The following PDCD10 variants were observed in gnomAD, a reference collection of about 807,000 sequenced individuals.
PDCD10 encodes the protein programmed cell death 10, also known as programmed cell death protein 10.
In PDCD10, 4 loss-of-function variants were observed where a neutral mutation model predicts 29.2. The ratio of observed to expected loss-of-function variants is 0.14; its 90% CI spans 0.07 to 0.31. The LOEUF (loss-of-function observed/expected upper bound fraction) is 0.31, where lower values mean the gene tolerates loss of function less well. Ranked by LOEUF, PDCD10 falls within the 10% of genes least tolerant of loss-of-function variation. The pLI is 1.00. For synonymous variants in PDCD10, 70 were observed against 82.2 expected (o/e 0.85, Z 0.80); for missense variants, 183 against 257.9 (o/e 0.71, Z 1.99).
intron 2 of PDCD10, among the ~76,000 whole-genome samples, chr3:167,733,336 TAGTC>T (rs1725010293): frequency 6.6e-6 from 1 of 152,198 alleles, no homozygotes; most frequent in Non-Finnish European, 1.5e-5. Context: ...CCAATAATAA[TAGTC>T]ATGAGCTATA....
At chr3:167,694,086 A>G (rs1207357478) in intron 6 of PDCD10, among the ~76,000 whole-genome samples, 1 of 152,228 alleles carries the variant, frequency 6.6e-6, no homozygotes, top group East Asian at 1.9e-4. Context: ...AAGGCTTCCC[A>G]TAATTCAATA....
At chr3:167,684,704 A>G (rs1401413147) in intron 8 of PDCD10, among the ~76,000 whole-genome samples, 1 of 152,174 alleles carries the variant, frequency 6.6e-6, no homozygotes, top group East Asian at 1.9e-4. Flanking sequence ...TGTGGTCTCC[A>G]GCTGTGGTTT....
intron 2 of PDCD10, among the ~76,000 whole-genome samples, chr3:167,733,430 T>A (rs1248281587): frequency 6.6e-6 from 1 of 152,190 alleles, no homozygotes; most frequent in African/African-American, 2.4e-5. Context: ...CGTGTACTGT[T>A]TTTTCATTCT....
chr3:167,712,905 A>G (rs1722662333), intron 3 of PDCD10, among the ~76,000 whole-genome samples: 1 of 151,842 alleles, frequency 6.6e-6, no homozygotes, highest in Non-Finnish European at 1.5e-5. Context: ...AGAGGATATG[A>G]TAATTGTAAA....
intron 4 of PDCD10, 109 bp downstream of exon 4, chr3:167,704,733 T>A: frequency 3.9e-6 from 3 of 762,244 alleles, no homozygotes. Context: ...AGGCATAAGA[T>A]GGCTAAAAAG....
At chr3:167,731,830 A>T (rs945997676) in intron 2 of PDCD10, among the ~76,000 whole-genome samples, 1 of 152,184 alleles carries the variant, frequency 6.6e-6, no homozygotes, top group Non-Finnish European at 1.5e-5. Context: ...GATTTTGGGA[A>T]GGCGGGCAAG....
intron 6 of PDCD10, among the ~76,000 whole-genome samples, chr3:167,692,694 G>A (rs947471583): frequency 9.9e-5 from 15 of 152,284 alleles, no homozygotes; most frequent in East Asian, 7.7e-4. Flanking sequence ...CAAGGCAGGC[G>A]GATCACAAGG....
chr3:167,727,521 T>C (rs185435254), intron 2 of PDCD10, among the ~76,000 whole-genome samples: 123 of 152,322 alleles, frequency 8.1e-4, no homozygotes, highest in Middle Eastern at 3.4e-3. Flanking sequence ...TAATGCCTAG[T>C]TGAATAGTTG....
Position 167,692,470 on chromosome 3 carries a change from T to C in PDCD10, c.395+3126A>G, listed in dbSNP as rs575861186. 4.3e-4 allele frequency among the ~76,000 whole-genome samples: 65 copies of C among 152,382 alleles called. No individual in the cohort carries two copies. In the South Asian group the frequency reaches 0.013, roughly 31 times the overall value. On this transcript the variant is annotated intron_variant, in intron 6 of 8. Coordinates refer to ENST00000392750, the MANE Select transcript of PDCD10 (RefSeq NM_007217.4). ...TCATGTCACGGTGCTCAAAAAGTTT[T>C]GGATTTTGGAGCATTTAGAATTTGA...
At position 167,687,218 on chromosome 3, in the gene PDCD10, A is replaced by G. The variant is rs780292173; in HGVS notation, c.557+16T>C. On this transcript the variant is annotated intron_variant, in intron 8 of 8. Transcript: ENST00000392750. The stretch of plus-strand genomic sequence containing the variant: ...CTATTTAATTTTAAAAGTAAAGGAT[A>G]AATTACAGTACTTACTTGCCATCTT... 61 of 1,215,890 alleles carry G rather than the reference A, an allele frequency of 5.0e-5. No homozygotes were observed. In the East Asian group the frequency reaches 8.8e-4, roughly 18 times the overall value. The allele number at this position is 1,215,890 out of a possible 1,614,324, so 75.3% of individuals were successfully genotyped here. A position where few individuals can be genotyped will look rare whatever the true frequency, so the allele number is the denominator to read the frequency against.
intron 6 of PDCD10, among the ~76,000 whole-genome samples, chr3:167,693,138 C>G (rs1205779363): frequency 6.6e-6 from 1 of 152,134 alleles, no homozygotes; most frequent in Non-Finnish European, 1.5e-5. Context: ...AAGAGAGTAT[C>G]CAAACTAGCT....
rs1719324621 is a variant in PDCD10 at position 167,684,161 on chromosome 3, G to A, written c.*147C>T. On this transcript the variant is annotated 3_prime_UTR_variant, in exon 9 of 9. Coordinates refer to ENST00000392750, the MANE Select transcript of PDCD10 (RefSeq NM_007217.4). ...TTAAGCTACATTTTACAAAAATATG[G>A]TGTAAGATGGCAATAATCCCATTCA... is the stretch of plus-strand genomic sequence containing the variant. 24 of 620,768 alleles carry A rather than the reference G, an allele frequency of 3.9e-5. No individual in the cohort carries two copies. In the South Asian group the frequency reaches 3.9e-4, roughly 10 times the overall value. The allele number at this position is 620,768 out of a possible 1,614,324, so 38.5% of individuals were successfully genotyped here. A position where few individuals can be genotyped will look rare whatever the true frequency, so the allele number is the denominator to read the frequency against.
intron 3 of PDCD10, among the ~76,000 whole-genome samples, chr3:167,715,756 G>T (rs111812920): frequency 5.1e-4 from 78 of 151,984 alleles, no homozygotes; most frequent in Admixed American, 1.2e-3. Context: ...AAAAGACAAG[G>T]AATAACAAAT....
At chr3:167,710,517 T>C (rs1379206721) in intron 3 of PDCD10, among the ~76,000 whole-genome samples, 1 of 152,208 alleles carries the variant, frequency 6.6e-6, no homozygotes, top group Non-Finnish European at 1.5e-5. Flanking sequence ...GTGCTTTCAG[T>C]GCCAGCTTAG....
chr3:167,715,645 C>T (rs893112552), intron 3 of PDCD10, among the ~76,000 whole-genome samples: 2 of 151,926 alleles, frequency 1.3e-5, no homozygotes, highest in Non-Finnish European at 2.9e-5. Context: ...AAATGACAAA[C>T]ATGCATATGA....
At chr3:167,704,033 C>A (rs1399822284) in intron 4 of PDCD10, among the ~76,000 whole-genome samples, 1 of 152,100 alleles carries the variant, frequency 6.6e-6, no homozygotes, top group Non-Finnish European at 1.5e-5. Flanking sequence ...CTAGTGATAA[C>A]CCACTGAACA....
chr3:167,697,776 CTA>C, intron 4 of PDCD10: 1 of 324,702 alleles, frequency 3.1e-6, no homozygotes, highest in South Asian at 2.6e-5. Context: ...TGCATTGGTT[CTA>C]TGTTACTTAG....
intron 3 of PDCD10, among the ~76,000 whole-genome samples, chr3:167,711,312 A>T (rs1722498085): frequency 6.6e-6 from 1 of 152,200 alleles, no homozygotes; most frequent in Non-Finnish European, 1.5e-5. Flanking sequence ...CTATCCGACA[A>T]ATTTAACAAA....
chr3:167,693,493 T>C (rs9818825), intron 6 of PDCD10, among the ~76,000 whole-genome samples: 39,832 of 152,122 alleles, frequency 0.26, 5,650 homozygotes, highest in African/African-American at 0.36. Context: ...CACTATATAC[T>C]TTAATCTTTC....
Sources: gnomAD v4.1 joint callset for allele counts (sites outside exome capture counted in the v4.1 genomes callset) on GRCh38, gnomAD v4.1.1 for gene constraint, MANE v1.5 for transcripts, NCBI Gene and HGNC (gene_info 2026-07-23, HGNC 2026-07-21) for gene names.